Variants in NUDCD3 observed in about 807,000 individuals in gnomAD.
The protein encoded by NUDCD3 is NudC domain containing 3, also known as nudC domain-containing protein 3.
Under a neutral mutation model 39.7 loss-of-function variants are expected in NUDCD3, and 13 were observed. That is an observed-to-expected ratio of 0.33 (90% CI 0.21 to 0.52). The LOEUF (loss-of-function observed/expected upper bound fraction) is 0.52, where lower values mean the gene tolerates loss of function less well. Ranked by LOEUF, NUDCD3 falls within the 20% of genes least tolerant of loss-of-function variation. The pLI, the probability that NUDCD3 is intolerant of heterozygous loss-of-function variation, is 0.96. For missense variants in NUDCD3, 453 were observed against 458.1 expected (o/e 0.99, Z 0.10); for synonymous variants, 175 against 172.4 (o/e 1.02, Z -0.12).
intron 2 of NUDCD3, among the ~76,000 whole-genome samples, chr7:44,440,307 C>T (rs565181234): frequency 6.6e-6 from 1 of 152,224 alleles, no homozygotes; most frequent in South Asian, 2.1e-4. Flanking sequence ...ACTACATAGA[C>T]CCAAATTGGG....
intron 2 of NUDCD3, among the ~76,000 whole-genome samples, chr7:44,476,857 T>C (rs1456729863): frequency 1.3e-5 from 2 of 152,092 alleles, no homozygotes; most frequent in African/African-American, 2.4e-5. Context: ...GGTTACCTGC[T>C]GGGGAAAGCG....
intron 2 of NUDCD3, among the ~76,000 whole-genome samples, chr7:44,472,345 G>A (rs1431907271): frequency 1.3e-5 from 2 of 152,288 alleles, no homozygotes; most frequent in African/African-American, 2.4e-5. Flanking sequence ...AAGAGAATTC[G>A]ATATTGGTGT....
At position 44,441,618 on chromosome 7, in the gene NUDCD3, C is replaced by T. The variant is rs541752260; in HGVS notation, c.510-13915G>A. ...CCACCCTCGCAGCTAGGACTACCCACACTTGGATCCCAGGCTTCAGGTCAG... is the reference window on the plus strand; with the variant it reads ...CCACCCTCGCAGCTAGGACTACCCATACTTGGATCCCAGGCTTCAGGTCAG... On this transcript the variant is annotated intron_variant, in intron 2 of 5. Transcript: ENST00000355451. Among the ~76,000 whole-genome samples, 5 of 152,332 alleles carry T rather than the reference C, an allele frequency of 3.3e-5. No homozygotes were observed. The South Asian group carries it at 8.3e-4, about 25-fold the overall frequency.
intron 4 of NUDCD3, among the ~76,000 whole-genome samples, chr7:44,400,209 G>A (rs1241680717): frequency 6.7e-6 from 1 of 148,636 alleles, no homozygotes; most frequent in Non-Finnish European, 1.5e-5. Context: ...TTACATCTTC[G>A]TAACCAAGAA....
intron 2 of NUDCD3, among the ~76,000 whole-genome samples, chr7:44,469,666 T>C (rs1388868383): frequency 6.6e-6 from 1 of 152,078 alleles, no homozygotes; most frequent in East Asian, 1.9e-4. Flanking sequence ...ATGATCACAG[T>C]TATGATCACA....
At chr7:44,419,236 A>C (rs1799090224) in intron 3 of NUDCD3, among the ~76,000 whole-genome samples, 1 of 151,978 alleles carries the variant, frequency 6.6e-6, no homozygotes, top group Non-Finnish European at 1.5e-5. Flanking sequence ...ACTGGGTGGA[A>C]CTCAACACAG....
At chr7:44,459,733 C>T (rs1333779039) in intron 2 of NUDCD3, among the ~76,000 whole-genome samples, 2 of 152,154 alleles carry the variant, frequency 1.3e-5, no homozygotes, top group African/African-American at 4.8e-5. Flanking sequence ...AACTGTATGG[C>T]TACTAATGGA....
At chr7:44,417,200 G>A (rs1384452759) in intron 3 of NUDCD3, among the ~76,000 whole-genome samples, 1 of 152,158 alleles carries the variant, frequency 6.6e-6, no homozygotes, top group South Asian at 2.1e-4. Flanking sequence ...CAAATCCAGG[G>A]TTATCCTTGG....
chr7:44,427,847 A>G, intron 2 of NUDCD3, 144 bp from the exon 3 acceptor site: 1 of 769,786 alleles, frequency 1.3e-6, no homozygotes. Flanking sequence ...GGCATCTGCA[A>G]ACTCCTCTTC....
chr7:44,398,959 A>G (rs770902704), intron 4 of NUDCD3, among the ~76,000 whole-genome samples: 126 of 152,224 alleles, frequency 8.3e-4, no homozygotes, highest in Non-Finnish European at 8.1e-4. Context: ...CTGATTTTCA[A>G]TGCTGTCAAA....
chr7:44,387,884 A>C (rs1424132116), intron 5 of NUDCD3, among the ~76,000 whole-genome samples: 1 of 152,160 alleles, frequency 6.6e-6, no homozygotes, highest in Non-Finnish European at 1.5e-5. Context: ...GAGATGTCAC[A>C]ATTACTGTTA....
chr7:44,417,644 A>T (rs1192796655), intron 3 of NUDCD3, among the ~76,000 whole-genome samples: 1 of 152,216 alleles, frequency 6.6e-6, no homozygotes, highest in Non-Finnish European at 1.5e-5. Context: ...ATACACGGCA[A>T]TACTAACAAA....
chr7:44,476,078 C>A (rs1239199627), intron 2 of NUDCD3, among the ~76,000 whole-genome samples: 1 of 152,084 alleles, frequency 6.6e-6, no homozygotes, highest in South Asian at 2.1e-4. Flanking sequence ...TCTGATTAAG[C>A]CCCCGTGACT....
intron 2 of NUDCD3, among the ~76,000 whole-genome samples, chr7:44,460,148 G>A (rs1284640771): frequency 6.6e-6 from 1 of 152,142 alleles, no homozygotes; most frequent in African/African-American, 2.4e-5. Context: ...TAAATTCAGT[G>A]AATCAACTGA....
intron 3 of NUDCD3, 89 bp downstream of exon 3, chr7:44,427,482 A>C: frequency 6.9e-7 from 1 of 1,441,918 alleles, no homozygotes; most frequent in Non-Finnish European, 9.4e-7. Flanking sequence ...CGATCTCAAC[A>C]CTCCCTCAAG....
intron 2 of NUDCD3, among the ~76,000 whole-genome samples, chr7:44,440,155 T>C (rs950099673): frequency 1.3e-5 from 2 of 152,202 alleles, no homozygotes; most frequent in Non-Finnish European, 2.9e-5. Flanking sequence ...CCAACCAGCC[T>C]CAGCCACATG....
chr7:44,406,932 G>C (rs1798832871), intron 3 of NUDCD3, among the ~76,000 whole-genome samples: 1 of 152,152 alleles, frequency 6.6e-6, no homozygotes, highest in South Asian at 2.1e-4. Context: ...ATGCAGAGCA[G>C]GAGCAAGGCC....
chr7:44,442,693 CTTT>C (rs869244799), intron 2 of NUDCD3, among the ~76,000 whole-genome samples: 8 of 124,340 alleles, frequency 6.4e-5, no homozygotes, highest in Admixed American at 8.3e-5. Flanking sequence ...CTCCCCTTTT[CTTT>C]TTTTTTTTTT....
intron 2 of NUDCD3, chr7:44,468,255 T>C (rs1253064699): frequency 6.3e-7 from 1 of 1,589,242 alleles, no homozygotes; most frequent in South Asian, 1.1e-5. Context: ...CAACTGGCCA[T>C]CAGAGTCACC....
Sources: gnomAD v4.1 joint callset for allele counts (sites outside exome capture counted in the v4.1 genomes callset) on GRCh38, gnomAD v4.1.1 for gene constraint, MANE v1.5 for transcripts, NCBI Gene and HGNC (gene_info 2026-07-23, HGNC 2026-07-21) for gene names.